INTS6: variants seen among roughly 807,000 people sequenced by gnomAD.
The protein encoded by INTS6 is integrator complex subunit 6, also known as DEAD box protein.
A neutral mutation model predicts 104.9 loss-of-function variants in INTS6; 16 were observed. The ratio of observed to expected loss-of-function variants is 0.15; its 90% confidence interval spans 0.10 to 0.23. The LOEUF (loss-of-function observed/expected upper bound fraction) is 0.23. Among genes scored for constraint, INTS6 ranks in the 10% least tolerant of loss-of-function variants. INTS6 has a pLI of 1.00. For missense variants in INTS6, 584 were observed against 1,062.8 expected, an observed-to-expected ratio of 0.55 and a Z score of 6.26; for synonymous variants, 324 against 358.7, an observed-to-expected ratio of 0.90 and a Z score of 1.09.
In INTS6 at chr13:51,361,732, T is replaced by C; in HGVS notation, c.*4020A>G. ...AGGATGCTTTGATTTCTTAAAAAATTAACTTACTTCATAACCAATAGTTAT... is the reference window on the plus strand; with the variant it reads ...AGGATGCTTTGATTTCTTAAAAAATCAACTTACTTCATAACCAATAGTTAT... On this transcript the variant is annotated 3_prime_UTR_variant, in exon 18 of 18. Coordinates refer to ENST00000311234, the MANE Select transcript of INTS6 (RefSeq NM_012141.3). The C allele has an allele frequency of 2.3e-6, 3 of 1,289,826 alleles. No individual in the cohort carries two copies. The highest frequency in any genetic ancestry group is 3.2e-6 in the Non-Finnish European group (3 of 947,710). 79.9% of individuals were successfully genotyped at this position (1,289,826 alleles called of 1,614,324 possible). A position where few individuals can be genotyped will look rare whatever the true frequency, so the allele number is the denominator to read the frequency against.
In INTS6 at chr13:51,389,450, A is replaced by G; in HGVS notation, c.614-6T>C. 3 of 1,588,306 alleles carry G rather than the reference A, an allele frequency of 1.9e-6. No individual in the cohort carries two copies. The highest frequency in any genetic ancestry group is 1.2e-5 in the South Asian group (1 of 85,448). ...ACACACAGAATATGAACGGCCTGAG[A>G]TTAAAAAAAAGAAGAAGAAGAAGAA... On this transcript the variant is annotated splice_region_variant and splice_polypyrimidine_tract_variant and intron_variant, in intron 5 of 17. Coordinates refer to ENST00000311234, the MANE Select transcript of INTS6 (RefSeq NM_012141.3).
At chr13:51,343,089 AG>A in the INTS6 span, among the ~76,000 whole-genome samples, 12 of 152,288 alleles carry the variant, frequency 7.9e-5, no homozygotes, top group East Asian at 2.3e-3. Flanking sequence ...CAGGAAACTC[AG>A]GGGTCTGCTG....
intron 3 of INTS6, chr13:51,440,902 T>C (rs1182990980): frequency 6.6e-6 from 1 of 152,226 alleles, no homozygotes; most frequent in Non-Finnish European, 1.5e-5. Flanking sequence ...TGATAGGTTA[T>C]GGAACAACCT....
intron 13 of INTS6, among the ~76,000 whole-genome samples, chr13:51,375,244 T>G (rs1955895602): frequency 6.6e-6 from 1 of 150,608 alleles, no homozygotes; most frequent in Non-Finnish European, 1.5e-5. Context: ...TCCCAGCTAC[T>G]AGGGAGGCTA....
At chr13:51,428,868 A>G (rs1445920997) in intron 4 of INTS6, among the ~76,000 whole-genome samples, 1 of 152,192 alleles carries the variant, frequency 6.6e-6, no homozygotes, top group Non-Finnish European at 1.5e-5. Context: ...TCCCTTTATT[A>G]TCAACTGTTC....
downstream of INTS6, among the ~76,000 whole-genome samples, chr13:51,360,608 T>G (rs114000584): frequency 1.2e-3 from 177 of 152,198 alleles, 1 homozygote; most frequent in African/African-American, 3.9e-3. Context: ...TCTGTGAAAC[T>G]GTTAGCACAT....
intron 5 of INTS6, among the ~76,000 whole-genome samples, chr13:51,392,676 T>A (rs1301864705): frequency 1.3e-5 from 2 of 152,206 alleles, no homozygotes; most frequent in Non-Finnish European, 2.9e-5. Context: ...TGCCTTAAGT[T>A]AGTCTCCACT....
Position 51,452,619 on chromosome 13 carries a change from G to A in INTS6, c.-94C>T. 4 of 1,541,654 alleles carry A rather than the reference G, an allele frequency of 2.6e-6. No homozygotes were observed. Among genetic ancestry groups the A allele is most frequent in the Non-Finnish European group, 3.5e-6 (4 of 1,141,876 alleles). On this transcript the variant is annotated 5_prime_UTR_variant, in exon 1 of 18. Transcript: ENST00000311234. The surrounding 1 kb of genome is among the most constrained non-coding windows in gnomAD (Gnocchi z 4.2). The stretch of plus-strand genomic sequence containing the variant: ...GTGGCGGCGACCGCCGCTACGCGGG[G>A]CGGGGGAGCACGGCCCCCGGGAGGA...
intron 4 of INTS6, among the ~76,000 whole-genome samples, chr13:51,404,073 C>CACACACAG (rs1956502573): frequency 1.0e-5 from 1 of 99,156 alleles, no homozygotes; most frequent in Non-Finnish European, 2.2e-5. Context: ...TACACACACA[C>CACACACAG]ACACACACAC....
At chr13:51,449,773 T>C (rs1358302643) in intron 3 of INTS6, 2 of 985,236 alleles carry the variant, frequency 2.0e-6, no homozygotes, top group African/African-American at 3.5e-5. Context: ...AAAAAGTTCA[T>C]TGCAAATCTA....
intron 5 of INTS6, among the ~76,000 whole-genome samples, chr13:51,391,517 C>A (rs1956245537): frequency 6.6e-6 from 1 of 152,162 alleles, no homozygotes; most frequent in Admixed American, 6.5e-5. Context: ...CCGTAATGTT[C>A]CTCATGTGTA....
At chr13:51,384,237 CTAA>C (rs1956100535) in intron 7 of INTS6, 1 of 158,288 alleles carries the variant, frequency 6.3e-6, no homozygotes, top group Non-Finnish European at 1.4e-5. Flanking sequence ...AATAGAACTT[CTAA>C]TGTTTCCTTC....
chr13:51,450,718 T>G, intron 3 of INTS6: 6 of 1,022,256 alleles, frequency 5.9e-6, no homozygotes, highest in Non-Finnish European at 7.0e-6. Context: ...ATGAGTGTGG[T>G]GTGGTAGGAT....
chr13:51,400,452 T>A (rs935839567), intron 4 of INTS6, among the ~76,000 whole-genome samples: 4 of 152,180 alleles, frequency 2.6e-5, no homozygotes, highest in African/African-American at 9.7e-5. Flanking sequence ...CCACTTAAAA[T>A]CAAACCTGAA....
Position 51,452,293 on chromosome 13 carries a change from T to C in INTS6, c.111+122A>G. The C allele has an allele frequency of 9.6e-7, 1 of 1,037,090 alleles. No individual in the cohort carries two copies. 64.2% of individuals were successfully genotyped at this position (1,037,090 alleles called of 1,614,324 possible). A position where few individuals can be genotyped will look rare whatever the true frequency, so the allele number is the denominator to read the frequency against. ...CCCGCCCGCGCGGTGGGGGAGGGGG[T>C]CCCCGAGCCCGGCAGCTCCCGCAGT... is the stretch of plus-strand genomic sequence containing the variant. On this transcript the variant is annotated intron_variant, in intron 1 of 17. Coordinates refer to ENST00000311234, the MANE Select transcript of INTS6 (RefSeq NM_012141.3). The surrounding 1 kb of genome is among the most constrained non-coding windows in gnomAD (Gnocchi z 4.2).
chr13:51,347,798 G>A, the INTS6 span, among the ~76,000 whole-genome samples: 24 of 152,192 alleles, frequency 1.6e-4, no homozygotes, highest in South Asian at 8.3e-4. Flanking sequence ...CAGTATGCCC[G>A]TTGGTCACTT....
At chr13:51,398,363 T>C (rs908680010) in intron 4 of INTS6, among the ~76,000 whole-genome samples, 1 of 151,964 alleles carries the variant, frequency 6.6e-6, no homozygotes, top group Non-Finnish European at 1.5e-5. Context: ...TAGAAAAATA[T>C]GCAATAAAAA....
intron 3 of INTS6, chr13:51,448,548 T>C (rs1952969856): frequency 6.6e-6 from 1 of 152,178 alleles, no homozygotes; most frequent in African/African-American, 2.4e-5. Context: ...TCAAAGATGT[T>C]TTATCTGTAG....
chr13:51,347,007 T>A, the INTS6 span: 1 of 1,556,294 alleles, frequency 6.4e-7, no homozygotes. Context: ...CATGGCCACC[T>A]TGCTTTCCTG....
Sources: allele counts gnomAD v4.1 joint callset (sites outside exome capture counted in the v4.1 genomes callset), GRCh38; gene constraint gnomAD v4.1.1; non-coding constraint Gnocchi (gnomAD v3.1); transcripts MANE v1.5; gene names NCBI Gene and HGNC (gene_info 2026-07-23, HGNC 2026-07-21).